GK5: variants seen among roughly 807,000 people sequenced by gnomAD.
GK5 encodes the protein ATP:glycerol 3-phosphotransferase 5.
GK5 carries 39 observed loss-of-function variants against 77.3 expected under a neutral mutation model. The observed-to-expected ratio is 0.50, with a 90% CI of 0.39 to 0.66. The LOEUF is 0.66. Among genes scored for constraint, GK5 ranks in the 30% least tolerant of loss-of-function variants. The pLI is 0.00. For synonymous variants in GK5, 211 were observed against 208.0 expected, an observed-to-expected ratio of 1.01 and a Z score of -0.13; for missense variants, 487 against 633.8, an observed-to-expected ratio of 0.77 and a Z score of 2.49.
At chr3:142,194,228 T>A (rs2063897971) in intron 5 of GK5, among the ~76,000 whole-genome samples, 1 of 151,966 alleles carries the variant, frequency 6.6e-6, no homozygotes, top group Admixed American at 6.6e-5. Flanking sequence ...CTACAAAAAA[T>A]TTAAAAATTA....
At chr3:142,168,518 A>C (rs2063498817) in intron 15 of GK5, among the ~76,000 whole-genome samples, 1 of 152,204 alleles carries the variant, frequency 6.6e-6, no homozygotes, top group Non-Finnish European at 1.5e-5. Context: ...TATTAGCCTA[A>C]AACTTTTAAA....
chr3:142,184,978 T>C, intron 9 of GK5: 1 of 985,516 alleles, frequency 1.0e-6, no homozygotes, highest in Non-Finnish European at 1.2e-6. Context: ...ATGATAATGA[T>C]TTTGTAACTT....
At chr3:142,170,128 G>T in intron 15 of GK5, 197 bp downstream of exon 15, 1 of 679,828 alleles carries the variant, frequency 1.5e-6, no homozygotes, top group East Asian at 2.6e-5. Flanking sequence ...GGTGAGGTGA[G>T]GATAGAAGAG....
Position 142,163,211 on chromosome 3 carries a change from G to A in GK5, c.*2411C>T, listed in dbSNP as rs1380800557. On this transcript the variant is annotated 3_prime_UTR_variant, in exon 16 of 16. Transcript: ENST00000392993. The stretch of plus-strand genomic sequence containing the variant: ...AAAAAAATAGCCACTGACACTTGAG[G>A]AGATGCTCAATTCCGATGAGGGACA... The A allele has an allele frequency of 6.6e-6, 1 of 151,388 alleles. No homozygotes were observed. The highest frequency in any genetic ancestry group is 2.4e-5 in the African/African-American group (1 of 41,232). The allele number at this position is 151,388 out of a possible 1,614,324, so 9.4% of individuals were successfully genotyped here.
At position 142,174,334 on chromosome 3, in the gene GK5, C is replaced by A. The variant is rs141437007; in HGVS notation, c.1144-1878G>T. On this transcript the variant is annotated intron_variant, in intron 12 of 15. Coordinates refer to ENST00000392993, the MANE Select transcript of GK5 (RefSeq NM_001039547.3). ...GAGATTTTATTTTAATTTTTCAAAT[C>A]TATTAACACCTTCTGGTGATTTTAA... 1.3e-3 allele frequency among the ~76,000 whole-genome samples: 191 copies of A among 152,280 alleles called. 1 individual carries two copies. Among genetic ancestry groups the A allele is most frequent in the African/African-American group, 4.5e-3 (186 of 41,548 alleles).
chr3:142,186,233 G>A lies in GK5; in HGVS notation c.716C>T (p.Ser239Leu), dbSNP rs771868963. 3.1e-6 allele frequency: 5 copies of A among 1,606,294 alleles called. No homozygotes were observed. The highest frequency in any genetic ancestry group is 1.7e-5 in the Admixed American group (1 of 59,964). Residue 239 changes from serine (S) to leucine (L), a missense_variant, in exon 8 of 16, where the codon TCG (serine) becomes TTG (leucine). By Grantham distance (145) the Ser-to-Leu change is moderately radical. This residue lies in a region of GK5 where 323 missense variants were observed against 437.4 expected (regional missense o/e 0.74). Transcript: ENST00000392993. ...CWSGMITSLI[S>L]IPLSLLPPVR... The stretch of plus-strand genomic sequence containing the variant: ...AGGAGGTAGGAGAGAAAGTGGTATC[G>A]AAATTAGAGAGGTAATCATCCCACT...
chr3:142,217,561 C>T (rs1266703279), intron 1 of GK5, among the ~76,000 whole-genome samples: 2 of 151,732 alleles, frequency 1.3e-5, no homozygotes, highest in African/African-American at 4.8e-5. Context: ...CAGGGGTCTC[C>T]AAAGAAGAAA....
rs1044618941 is a variant in GK5 at position 142,224,909 on chromosome 3, G to A, written c.147+400C>T. ...AAAGATGTGGTGGGAGATCTATCAG[G>A]GAAGTGCAGGAAGAACCAAGCAACT... is the stretch of plus-strand genomic sequence containing the variant. On this transcript the variant is annotated intron_variant, in intron 1 of 15. Coordinates refer to ENST00000392993, the MANE Select transcript of GK5 (RefSeq NM_001039547.3). Among the ~76,000 whole-genome samples the A allele has an allele frequency of 3.9e-5, 6 of 152,212 alleles. 1 individual carries two copies. Among genetic ancestry groups the A allele is most frequent in the African/African-American group, 1.4e-4 (6 of 41,452 alleles).
In GK5 at chr3:142,159,795, G is replaced by A. The variant is rs562672017; in HGVS notation, c.*5827C>T. On this transcript the variant is annotated 3_prime_UTR_variant, in exon 16 of 16. Coordinates refer to ENST00000392993, the MANE Select transcript of GK5 (RefSeq NM_001039547.3). ...TACAATAAGACGATTCTGGGACCAA[G>A]TAGGTTGTAAAGGCCCAAGGTATGT... The A allele has an allele frequency of 1.1e-4, 16 of 151,164 alleles. No individual in the cohort carries two copies. In the East Asian group the frequency reaches 2.9e-3, roughly 28 times the overall value. The allele number at this position is 151,164 out of a possible 1,614,324, so 9.4% of individuals were successfully genotyped here.
intron 12 of GK5, among the ~76,000 whole-genome samples, chr3:142,175,636 T>C (rs1345487065): frequency 4.6e-5 from 7 of 152,086 alleles, no homozygotes; most frequent in Admixed American, 4.6e-4. Context: ...CAGTTAAAGT[T>C]TCATTTTACA....
At chr3:142,223,051 T>G (rs1289250179) in intron 1 of GK5, among the ~76,000 whole-genome samples, 1 of 152,216 alleles carries the variant, frequency 6.6e-6, no homozygotes, top group Non-Finnish European at 1.5e-5. Flanking sequence ...GTATTTTTAT[T>G]TACTCATATC....
At position 142,159,768 on chromosome 3, in the gene GK5, T is replaced by C. The variant is rs1196258375; in HGVS notation, c.*5854A>G. Reference sequence around the variant, plus strand: ...TCGAACCAGAAGACCTGGCTTTGGGTTTACAATAAGACGATTCTGGGACCA... The same window carrying C: ...TCGAACCAGAAGACCTGGCTTTGGGCTTACAATAAGACGATTCTGGGACCA... On this transcript the variant is annotated 3_prime_UTR_variant, in exon 16 of 16. Transcript: ENST00000392993. 4.6e-5 allele frequency: 7 copies of C among 152,080 alleles called. No individual in the cohort carries two copies. The East Asian group carries it at 1.3e-3, about 29-fold the overall frequency. 9.4% of individuals were successfully genotyped at this position (152,080 alleles called of 1,614,324 possible).
chr3:142,165,535 C>A lies in GK5; in HGVS notation c.*87G>T. 2.2e-6 allele frequency: 2 copies of A among 927,960 alleles called. No individual in the cohort carries two copies. Among genetic ancestry groups the A allele is most frequent in the South Asian group, 2.9e-5 (1 of 34,052 alleles). The allele number at this position is 927,960 out of a possible 1,614,324, so 57.5% of individuals were successfully genotyped here. On this transcript the variant is annotated 3_prime_UTR_variant, in exon 16 of 16. Transcript: ENST00000392993. ...TTATTTAAAATTTTCTCCTCTTAGT[C>A]ATTGTCATATGGGTTATCCCTGAGC... is the stretch of plus-strand genomic sequence containing the variant.
chr3:142,220,941 CA>C (rs1381007627), intron 1 of GK5, among the ~76,000 whole-genome samples: 2 of 152,094 alleles, frequency 1.3e-5, no homozygotes, highest in Non-Finnish European at 2.9e-5. Context: ...CCTAACCTGG[CA>C]GAAAGAGAAC....
chr3:142,175,507 G>A (rs1470173253), intron 12 of GK5, among the ~76,000 whole-genome samples: 1 of 152,112 alleles, frequency 6.6e-6, no homozygotes, highest in Non-Finnish European at 1.5e-5. Context: ...TTCCTTTCAT[G>A]CCCCATCCCT....
intron 15 of GK5, among the ~76,000 whole-genome samples, chr3:142,167,916 G>A (rs2063491617): frequency 6.6e-6 from 1 of 152,220 alleles, no homozygotes; most frequent in South Asian, 2.1e-4. Context: ...GGAGGCTGAG[G>A]CAGGTGAATC....
chr3:142,180,390 C>T (rs534643901), intron 11 of GK5, among the ~76,000 whole-genome samples: 203 of 151,992 alleles, frequency 1.3e-3, no homozygotes, highest in Non-Finnish European at 2.2e-3. Flanking sequence ...ACAACCTCCA[C>T]CTCCTGGGTT....
At chr3:142,205,278 A>G (rs1048102470) in intron 3 of GK5, among the ~76,000 whole-genome samples, 6 of 152,344 alleles carry the variant, frequency 3.9e-5, no homozygotes, top group African/African-American at 1.4e-4. Context: ...CAATACTACA[A>G]TAAAAGTACA....
At chr3:142,186,627 TTTC>T in intron 6 of GK5, 114 bp from the exon 7 acceptor site, 2 of 479,708 alleles carry the variant, frequency 4.2e-6, no homozygotes, top group East Asian at 3.6e-5. Flanking sequence ...AAATGTGTAT[TTTC>T]TTTTTTTTTT....
Sources: allele counts gnomAD v4.1 joint callset (sites outside exome capture counted in the v4.1 genomes callset), GRCh38; gene constraint gnomAD v4.1.1; regional missense constraint gnomAD v4.1.1; transcripts MANE v1.5; gene names NCBI Gene and HGNC (gene_info 2026-07-23, HGNC 2026-07-21).